Variants in PLCH1 observed in about 807,000 individuals in gnomAD.
PLCH1 encodes phospholipase C eta 1, also known as 1-phosphatidylinositol 4,5-bisphosphate phosphodiesterase eta-1.
In PLCH1, 60 loss-of-function variants were observed where a neutral mutation model predicts 126.7. The observed-to-expected ratio is 0.47, with a 90% confidence interval of 0.38 to 0.59. The LOEUF (loss-of-function observed/expected upper bound fraction) is 0.59. Ranked by LOEUF, PLCH1 falls within the 20% of genes least tolerant of loss-of-function variation. The pLI is 0.00. For missense variants in PLCH1, 1,723 were observed against 2,040.0 expected (o/e 0.84, Z 2.99); for synonymous variants, 719 against 734.9 (o/e 0.98, Z 0.35).
At chr3:155,525,693 C>T (rs1436795189) in intron 10 of PLCH1, among the ~76,000 whole-genome samples, 2 of 152,130 alleles carry the variant, frequency 1.3e-5, no homozygotes, top group East Asian at 3.9e-4. Context: ...AGCACCTCCC[C>T]CAGGACCAGG....
At chr3:155,726,750 C>A (rs1748357585) in intron 1 of PLCH1, among the ~76,000 whole-genome samples, 1 of 149,846 alleles carries the variant, frequency 6.7e-6, no homozygotes, top group African/African-American at 2.5e-5. Context: ...GGCTGGAGTG[C>A]AGTGGTGTGA....
At chr3:155,453,930 A>G (rs1305410263) in intron 21 of PLCH1, among the ~76,000 whole-genome samples, 1 of 152,120 alleles carries the variant, frequency 6.6e-6, no homozygotes, top group East Asian at 1.9e-4. Context: ...GGAATTATGC[A>G]TAAGTCAGAA....
chr3:155,653,751 A>T (rs1431440103), intron 2 of PLCH1, among the ~76,000 whole-genome samples: 6 of 151,918 alleles, frequency 3.9e-5, no homozygotes, highest in Admixed American at 3.9e-4. Flanking sequence ...AAAATTCCTC[A>T]TTCCAACTAC....
chr3:155,651,254 G>A (rs1740681150), intron 2 of PLCH1, among the ~76,000 whole-genome samples: 1 of 152,236 alleles, frequency 6.6e-6, no homozygotes. Flanking sequence ...AAAGGCATAT[G>A]TAAATGAATG....
intron 2 of PLCH1, among the ~76,000 whole-genome samples, chr3:155,649,964 T>G (rs1740520363): frequency 6.6e-6 from 1 of 150,484 alleles, no homozygotes; most frequent in South Asian, 2.1e-4. Context: ...GGCGACAGAG[T>G]GAGACTCCTT....
chr3:155,654,396 C>A (rs969041765), intron 2 of PLCH1, among the ~76,000 whole-genome samples: 1 of 152,046 alleles, frequency 6.6e-6, no homozygotes, highest in Admixed American at 6.5e-5. Flanking sequence ...AAAGCTACAA[C>A]CTCTCTCCTG....
intron 21 of PLCH1, among the ~76,000 whole-genome samples, chr3:155,468,014 T>C (rs1454708163): frequency 2.0e-5 from 3 of 152,148 alleles, no homozygotes; most frequent in Non-Finnish European, 4.4e-5. Flanking sequence ...AAAGACTAAA[T>C]GAGGAACCAA....
intron 9 of PLCH1, among the ~76,000 whole-genome samples, chr3:155,553,363 C>A (rs1229507415): frequency 5.3e-5 from 8 of 152,140 alleles, no homozygotes; most frequent in Admixed American, 5.2e-4. Flanking sequence ...GTGATCCACC[C>A]TCCTCAGCCT....
chr3:155,708,542 G>T (rs1051329770), intron 1 of PLCH1, among the ~76,000 whole-genome samples: 3 of 152,192 alleles, frequency 2.0e-5, no homozygotes, highest in Non-Finnish European at 4.4e-5. Flanking sequence ...AAAGCAGGTT[G>T]AGTCTTTCAT....
intron 2 of PLCH1, among the ~76,000 whole-genome samples, chr3:155,662,378 G>A (rs1742268412): frequency 6.6e-6 from 1 of 152,184 alleles, no homozygotes; most frequent in East Asian, 1.9e-4. Flanking sequence ...TGAAGTAGGA[G>A]AATAGTTTGA....
intron 1 of PLCH1, among the ~76,000 whole-genome samples, chr3:155,739,183 T>C (rs1175143202): frequency 6.6e-6 from 1 of 152,236 alleles, no homozygotes. Context: ...TTTCAGCAAC[T>C]GTCCAAGGCA....
chr3:155,719,702 G>C (rs923682533), intron 1 of PLCH1, among the ~76,000 whole-genome samples: 2 of 150,984 alleles, frequency 1.3e-5, no homozygotes, highest in Admixed American at 6.6e-5. Flanking sequence ...AAAAAAAAAA[G>C]AATAATGTTC....
chr3:155,564,131 A>C (rs1257285225), intron 8 of PLCH1, among the ~76,000 whole-genome samples: 1 of 152,152 alleles, frequency 6.6e-6, no homozygotes. Flanking sequence ...TTTATAAAAA[A>C]AATGTTCATC....
chr3:155,665,233 A>G (rs1020364738), intron 2 of PLCH1, among the ~76,000 whole-genome samples: 1 of 152,182 alleles, frequency 6.6e-6, no homozygotes, highest in Middle Eastern at 3.2e-3. Context: ...CCACTCAAGC[A>G]GGAACACTTG....
chr3:155,668,104 AAAAG>A (rs1742988234), intron 2 of PLCH1, among the ~76,000 whole-genome samples: 1 of 150,912 alleles, frequency 6.6e-6, no homozygotes, highest in Non-Finnish European at 1.5e-5. Context: ...AAAAAAAAAA[AAAAG>A]AGTCACATCA....
At chr3:155,720,074 G>A (rs1044980741) in intron 1 of PLCH1, among the ~76,000 whole-genome samples, 7 of 152,238 alleles carry the variant, frequency 4.6e-5, no homozygotes, top group Middle Eastern at 3.4e-3. Flanking sequence ...GATTACAGGC[G>A]TGAGCTACCA....
chr3:155,464,529 T>C (rs1027793340), intron 21 of PLCH1, among the ~76,000 whole-genome samples: 4 of 152,106 alleles, frequency 2.6e-5, no homozygotes, highest in Admixed American at 1.3e-4. Context: ...AGGTTTGCTC[T>C]AGGTAGATTT....
chr3:155,648,610 A>C (rs1354043453), intron 2 of PLCH1, among the ~76,000 whole-genome samples: 2 of 152,224 alleles, frequency 1.3e-5, no homozygotes, highest in African/African-American at 2.4e-5. Flanking sequence ...AAGTATTTCT[A>C]GGTACTGAGA....
At chr3:155,520,125 C>T (rs1193563768) in intron 11 of PLCH1, among the ~76,000 whole-genome samples, 1 of 152,206 alleles carries the variant, frequency 6.6e-6, no homozygotes. Flanking sequence ...TTATCATTCT[C>T]TACCCCTTGT....
Sources: gnomAD v4.1 joint callset for allele counts (sites outside exome capture counted in the v4.1 genomes callset) on GRCh38, gnomAD v4.1.1 for gene constraint, MANE v1.5 for transcripts, NCBI Gene and HGNC (gene_info 2026-07-23, HGNC 2026-07-21) for gene names.